The following FBF1 variants were observed in gnomAD, a reference collection of about 807,000 sequenced individuals.
The protein encoded by FBF1 is fas-binding factor 1.
Under a neutral mutation model 147.2 loss-of-function variants are expected in FBF1, and 119 were observed. The observed-to-expected ratio is 0.81, with a 90% CI of 0.70 to 0.94. FBF1 has a LOEUF of 0.94. Among genes scored for constraint, FBF1 ranks in the 40% least tolerant of loss-of-function variants. FBF1 has a pLI of 0.00. For synonymous variants in FBF1, 601 were observed against 609.0 expected (o/e 0.99, Z 0.19); for missense variants, 1,449 against 1,500.8 (o/e 0.97, Z 0.57).
chr17:75,924,703 C>G (rs1447862974), intron 13 of FBF1, among the ~76,000 whole-genome samples: 1 of 152,150 alleles, frequency 6.6e-6, no homozygotes, highest in Non-Finnish European at 1.5e-5. Context: ...GTCTTGAACT[C>G]CTGACCTCAG....
intron 23 of FBF1, among the ~76,000 whole-genome samples, 192 bp downstream of exon 23, chr17:75,917,540 C>T (rs1456517951): frequency 5.3e-5 from 8 of 152,110 alleles, no homozygotes; most frequent in Admixed American, 1.3e-4. Context: ...CCTGGCCAGG[C>T]GGCCCCTGCA....
chr17:75,913,746 C>G lies in FBF1; in HGVS notation c.3203G>C (p.Gly1068Ala). ...ARQDLPSSLV[G>A]LFPRAQGPAA... is the part of the protein sequence containing the mutation. ...AGGGCCCTGGGCCCTGGGGAACAGACCCACGAGGCTAGAGGGCAGGTCCTG... is the reference window on the plus strand; with the variant it reads ...AGGGCCCTGGGCCCTGGGGAACAGAGCCACGAGGCTAGAGGGCAGGTCCTG... The change falls in exon 28 of 30, where the codon GGT (glycine) becomes GCT (alanine). Residue 1068 changes from glycine (G) to alanine (A), a missense_variant. Transcript: ENST00000636174. 6.2e-7 allele frequency: 1 copy of G among 1,602,604 alleles called. No individual in the cohort carries two copies. Among genetic ancestry groups the G allele is most frequent in the Non-Finnish European group, 8.5e-7 (1 of 1,179,398 alleles).
At chr17:75,912,838 C>T (rs1297392751) in intron 28 of FBF1, among the ~76,000 whole-genome samples, 3 of 152,122 alleles carry the variant, frequency 2.0e-5, no homozygotes. Flanking sequence ...GTCAGGAGTT[C>T]AAGACCAGCC....
chr17:75,937,913 C>T, intron 2 of FBF1: 1 of 641,706 alleles, frequency 1.6e-6, no homozygotes, highest in Non-Finnish European at 2.7e-6. Flanking sequence ...CCTGACTCCT[C>T]AATACCAGTG....
Position 75,910,576 on chromosome 17 carries a change from G to A in FBF1, c.*147C>T. The A allele has an allele frequency of 1.5e-6, 1 of 674,222 alleles. No individual in the cohort carries two copies. Among genetic ancestry groups the A allele is most frequent in the Non-Finnish European group, 2.5e-6 (1 of 398,144 alleles). 41.8% of individuals were successfully genotyped at this position (674,222 alleles called of 1,614,324 possible). A position where few individuals can be genotyped will look rare whatever the true frequency, so the allele number is the denominator to read the frequency against. ...CCGGGCTGGCACATTTGGAAAGGAT[G>A]CACTTGCACCCTGTCCACGGAAGAG... On this transcript the variant is annotated 3_prime_UTR_variant, in exon 30 of 30. Transcript: ENST00000636174. The surrounding 1 kb of genome is among the most constrained non-coding windows in gnomAD (Gnocchi z 4.1).
At chr17:75,933,149 A>G in intron 4 of FBF1, 61 bp from the exon 5 acceptor site, 1 of 1,321,922 alleles carries the variant, frequency 7.6e-7, no homozygotes. Flanking sequence ...GTCAAGATGC[A>G]AAGGCTGGCA....
chr17:75,917,609 C>T lies in FBF1; in HGVS notation c.2505+123G>A, dbSNP rs948668645. ...GGCAGGGAGATGTAGAGGCAGGAAG[C>T]GGCAGGTGGGGCCTTGACCTCCTGA... On this transcript the variant is annotated intron_variant, in intron 23 of 29. Coordinates refer to ENST00000636174, the MANE Select transcript of FBF1 (RefSeq NM_001319193.2). The T allele has an allele frequency of 4.0e-5, 34 of 850,372 alleles. 1 individual carries two copies. The highest frequency in any genetic ancestry group is 3.4e-5 in the South Asian group (2 of 58,230). The allele number at this position is 850,372 out of a possible 1,614,324, so 52.7% of individuals were successfully genotyped here.
At position 75,918,159 on chromosome 17, in the gene FBF1, T is replaced by TA. The variant is rs1354561553; in HGVS notation, c.2246+2dup. The TA allele has an allele frequency of 1.9e-6, 3 of 1,613,128 alleles. No homozygotes were observed. In the African/African-American group the frequency reaches 4.0e-5, roughly 22 times the overall value. ...GCGGGCATGGTTGGGGCAGCGCACA[T>TA]ACCGCGTGTGGGAGGTGGCACTGGT... On this transcript the variant is annotated splice_region_variant and intron_variant, in intron 21 of 29. Coordinates refer to ENST00000636174, the MANE Select transcript of FBF1 (RefSeq NM_001319193.2). This position sits in a 1 kb window ranked among gnomAD's most constrained non-coding sequence, Gnocchi z 5.8.
At chr17:75,930,331 TC>T (rs2065586925) in intron 6 of FBF1, among the ~76,000 whole-genome samples, 3 of 152,154 alleles carry the variant, frequency 2.0e-5, no homozygotes, top group African/African-American at 4.8e-5. Flanking sequence ...TTCTGCTACT[TC>T]CCACCCATGC....
intron 3 of FBF1, among the ~76,000 whole-genome samples, chr17:75,936,268 C>T (rs940066083): frequency 1.3e-4 from 20 of 151,982 alleles, no homozygotes; most frequent in Admixed American, 7.9e-4. Context: ...GAGCCGAGAT[C>T]GCACCACTGC....
At chr17:75,935,553 A>C in intron 4 of FBF1, 79 bp downstream of exon 4, 3 of 1,404,618 alleles carry the variant, frequency 2.1e-6, no homozygotes, top group Non-Finnish European at 2.9e-6. Flanking sequence ...GAAGCTTGGG[A>C]CCAGCCTGGG....
Position 75,936,040 on chromosome 17 carries a change from C to T in FBF1, c.32-367G>A, listed in dbSNP as rs141195774. Among the ~76,000 whole-genome samples, 127 of 151,740 alleles carry T rather than the reference C, an allele frequency of 8.4e-4. No homozygotes were observed. In the East Asian group the frequency reaches 0.017, roughly 20 times the overall value. ...AAAATACAAAAAAAATGGCTGGGCG[C>T]GGTGGCTCACACCTGCAATCCCAGC... On this transcript the variant is annotated intron_variant, in intron 3 of 29. Coordinates refer to ENST00000636174, the MANE Select transcript of FBF1 (RefSeq NM_001319193.2).
chr17:75,918,325 G>T lies in FBF1; in HGVS notation c.2139-56C>A. On this transcript the variant is annotated intron_variant, in intron 20 of 29. Coordinates refer to ENST00000636174, the MANE Select transcript of FBF1 (RefSeq NM_001319193.2). This position sits in a 1 kb window ranked among gnomAD's most constrained non-coding sequence, Gnocchi z 5.8. ...CTCTGAGCTGGATCACCCTGATGCG[G>T]TAACTCCTTGTGGAAGGGTGTGTTT... 7.0e-7 allele frequency: 1 copy of T among 1,435,658 alleles called. No homozygotes were observed. Among genetic ancestry groups the T allele is most frequent in the Non-Finnish European group, 9.6e-7 (1 of 1,037,320 alleles). The allele number at this position is 1,435,658 out of a possible 1,614,324, so 88.9% of individuals were successfully genotyped here. A position where few individuals can be genotyped will look rare whatever the true frequency, so the allele number is the denominator to read the frequency against.
chr17:75,926,465 T>A, intron 10 of FBF1, 39 bp from the exon 11 acceptor site: 1 of 1,506,788 alleles, frequency 6.6e-7, no homozygotes, highest in Non-Finnish European at 8.8e-7. Flanking sequence ...GCAGCCTTCT[T>A]GCCCTCAACT....
At position 75,923,068 on chromosome 17, in the gene FBF1, G is replaced by A. The variant is rs763905996; in HGVS notation, c.1424+118C>T. On this transcript the variant is annotated intron_variant, in intron 14 of 29. Coordinates refer to ENST00000636174, the MANE Select transcript of FBF1 (RefSeq NM_001319193.2). This position sits in a 1 kb window ranked among gnomAD's most constrained non-coding sequence, Gnocchi z 4.1. ...GCCAAGAAGCGGCCTCTGTGGCCAC[G>A]GCGCCCTGCCTTGTTCCCCAACTGC... is the stretch of plus-strand genomic sequence containing the variant. 50 of 1,053,428 alleles carry A rather than the reference G, an allele frequency of 4.7e-5. No individual in the cohort carries two copies. Among genetic ancestry groups the A allele is most frequent in the Non-Finnish European group, 6.5e-5 (48 of 738,318 alleles). 65.3% of individuals were successfully genotyped at this position (1,053,428 alleles called of 1,614,324 possible).
chr17:75,918,880 C>T lies in FBF1; in HGVS notation c.2139-611G>A, dbSNP rs759631352. Among the ~76,000 whole-genome samples, 17 of 150,624 alleles carry T rather than the reference C, an allele frequency of 1.1e-4. No individual in the cohort carries two copies. The highest frequency in any genetic ancestry group is 1.9e-4 in the Non-Finnish European group (13 of 67,740). On this transcript the variant is annotated intron_variant, in intron 20 of 29. Coordinates refer to ENST00000636174, the MANE Select transcript of FBF1 (RefSeq NM_001319193.2). The surrounding 1 kb of genome is among the most constrained non-coding windows in gnomAD (Gnocchi z 5.8). The stretch of plus-strand genomic sequence containing the variant: ...CTGGTCTTGAACTCCTAGCCTCAAG[C>T]AATCCTCCTGCCTTGGCCTCCCAAG...
Position 75,917,821 on chromosome 17 carries a change from G to C in FBF1, c.2416C>G (p.Arg806Gly), listed in dbSNP as rs1402735862. The C allele has an allele frequency of 1.9e-6, 3 of 1,606,370 alleles. No homozygotes were observed. Among genetic ancestry groups the C allele is most frequent in the African/African-American group, 2.7e-5 (2 of 74,750 alleles). The change falls in exon 23 of 30, where the codon CGG becomes GGG. Residue 806 changes from arginine to glycine, a missense_variant. By Grantham distance (125) the Arg-to-Gly change is moderately radical. Coordinates refer to ENST00000636174, the MANE Select transcript of FBF1 (RefSeq NM_001319193.2). ...ALQERLGQQQ[R>G]DMEEERSRQQ... is the part of the protein sequence containing the mutation. ...CGGCTCCGCTCCTCCTCCATGTCCC[G>C]CTGCTGCTGGCCCAGCCGCTCCTGC...
In FBF1 at chr17:75,910,596, G is replaced by T; in HGVS notation, c.*127C>A. 1.3e-6 allele frequency: 1 copy of T among 795,230 alleles called. No homozygotes were observed. Among genetic ancestry groups the T allele is most frequent in the Non-Finnish European group, 2.0e-6 (1 of 493,448 alleles). 49.3% of individuals were successfully genotyped at this position (795,230 alleles called of 1,614,324 possible). ...AGGATGCACTTGCACCCTGTCCACG[G>T]AAGAGCTGTCATCAGGCCTCAAGCA... is the stretch of plus-strand genomic sequence containing the variant. On this transcript the variant is annotated 3_prime_UTR_variant, in exon 30 of 30. Coordinates refer to ENST00000636174, the MANE Select transcript of FBF1 (RefSeq NM_001319193.2). The surrounding 1 kb of genome is among the most constrained non-coding windows in gnomAD (Gnocchi z 4.1).
At chr17:75,917,319 A>G (rs183256487) in intron 23 of FBF1, among the ~76,000 whole-genome samples, 34 of 152,352 alleles carry the variant, frequency 2.2e-4, no homozygotes, top group African/African-American at 7.5e-4. Flanking sequence ...TATCTAGGGA[A>G]TTCAAATGTC....
Sources: gnomAD v4.1 joint callset for allele counts (sites outside exome capture counted in the v4.1 genomes callset) on GRCh38, gnomAD v4.1.1 for gene constraint, Gnocchi (gnomAD v3.1) non-coding constraint, MANE v1.5 for transcripts, NCBI Gene and HGNC (gene_info 2026-07-23, HGNC 2026-07-21) for gene names.